The following NOS2 variants were observed in gnomAD, a reference collection of about 807,000 sequenced individuals.
NOS2 encodes nitric oxide synthase 2.
In NOS2, 96 loss-of-function variants were observed where a neutral mutation model predicts 136.0. The observed-to-expected ratio is 0.71, with a 90% CI of 0.60 to 0.84. NOS2 has a LOEUF of 0.84. Ranked by LOEUF, NOS2 falls within the 40% of genes least tolerant of loss-of-function variation. NOS2 has a pLI of 0.00. For missense variants in NOS2, 1,237 were observed against 1,496.9 expected, an observed-to-expected ratio of 0.83 and a Z score of 2.87; for synonymous variants, 539 against 587.5, an observed-to-expected ratio of 0.92 and a Z score of 1.20.
At chr17:27,790,862 G>C (rs1374229141) in intron 2 of NOS2, among the ~76,000 whole-genome samples, 1 of 152,162 alleles carries the variant, frequency 6.6e-6, no homozygotes, top group Non-Finnish European at 1.5e-5. Flanking sequence ...GCCTCCCCTA[G>C]GAAGAATCAT....
rs756138911 is a variant in NOS2 at position 27,772,288 on chromosome 17, C to G, written c.1704+20G>C. 1.2e-6 allele frequency: 2 copies of G among 1,613,714 alleles called. No homozygotes were observed. The highest frequency in any genetic ancestry group is 2.2e-5 in the South Asian group (2 of 91,026). On this transcript the variant is annotated intron_variant, in intron 14 of 26. Coordinates refer to ENST00000313735, the MANE Select transcript of NOS2 (RefSeq NM_000625.4). ...TGCACACAAGCAGAAAAAACAACAG[C>G]CATCCCACTGAGCCAGTACCTTGGG...
rs751681561 is a variant in NOS2 at position 27,781,151 on chromosome 17, C to T, written c.749G>A (p.Arg250Gln). The change falls in exon 8 of 27, where the codon CGG (arginine) becomes CAG (glutamine). Residue 250 changes from arginine (R) to glutamine (Q), a missense_variant. Around this residue, in one of 3 missense-constraint regions of NOS2, gnomAD observed 440 missense variants for 545.4 expected, o/e 0.81. Transcript: ENST00000313735. ...IRSAITVFPQ[R>Q]SDGKHDFRVW... ...CCGGAAGTCGTGCTTGCCATCACTC[C>T]GCTGGGGGAACACGGTGATGGCCGA... The T allele has an allele frequency of 7.5e-6, 12 of 1,610,598 alleles. No individual in the cohort carries two copies. The highest frequency in any genetic ancestry group is 1.1e-5 in the South Asian group (1 of 91,086).
intron 19 of NOS2, 127 bp downstream of exon 19, chr17:27,766,383 C>G (rs1290936408): frequency 3.5e-6 from 3 of 862,006 alleles, no homozygotes; most frequent in Non-Finnish European, 3.9e-6. Context: ...GTCCTACCGA[C>G]AGTGTGGCTG....
chr17:27,791,544 T>C (rs1183960331), intron 2 of NOS2, among the ~76,000 whole-genome samples: 1 of 152,036 alleles, frequency 6.6e-6, no homozygotes, highest in East Asian at 1.9e-4. Context: ...CTTGGTAATT[T>C]TCCATCCACA....
chr17:27,783,090 GT>G lies in NOS2; in HGVS notation c.483del (p.Glu161AspfsTer9). On this transcript the variant is annotated frameshift_variant, in exon 6 of 27. Transcript: ENST00000313735. LOFTEE classifies it high-confidence loss of function. Reference protein sequence around the residue: ...YGSFKEAKIEEHLARVEAVTK... With the variant: ...YGSFKEAKIEXHLARVEAVTK... ...GTTACCGCTTCCACCCTGGCCAGAT[GT>G]TCCTCTATTTTTGCCCTGGGGGACA... 6.2e-7 allele frequency: 1 copy of G among 1,614,164 alleles called. No individual in the cohort carries two copies. Among genetic ancestry groups the G allele is most frequent in the Non-Finnish European group, 8.5e-7 (1 of 1,180,028 alleles).
In NOS2 at chr17:27,757,089, G is replaced by C. The variant is rs1907948513; in HGVS notation, c.*157C>G. 1 of 593,942 alleles carries C rather than the reference G, an allele frequency of 1.7e-6. No individual in the cohort carries two copies. Among genetic ancestry groups the C allele is most frequent in the African/African-American group, 1.9e-5 (1 of 53,122 alleles). The allele number at this position is 593,942 out of a possible 1,614,324, so 36.8% of individuals were successfully genotyped here. A position where few individuals can be genotyped will look rare whatever the true frequency, so the allele number is the denominator to read the frequency against. ...AGGGTGCTACTTGTTAGGAGGTCAA[G>C]TAAAGGGCTTGATGGGGAGCAACGT... On this transcript the variant is annotated 3_prime_UTR_variant, in exon 27 of 27. Transcript: ENST00000313735.
At chr17:27,774,566 G>T (rs971561592) in intron 11 of NOS2, 115 bp from the exon 12 acceptor site, 8 of 670,474 alleles carry the variant, frequency 1.2e-5, no homozygotes, top group Non-Finnish European at 1.8e-5. Flanking sequence ...TCTGTAACAC[G>T]GGAGAGCAAC....
intron 2 of NOS2, among the ~76,000 whole-genome samples, chr17:27,791,769 GAA>G (rs869055216): frequency 4.5e-5 from 5 of 110,960 alleles, no homozygotes; most frequent in African/African-American, 1.9e-4. Flanking sequence ...TGGCCTGCCA[GAA>G]AAAAACAAAA....
intron 2 of NOS2, among the ~76,000 whole-genome samples, chr17:27,797,963 C>T (rs892193293): frequency 6.6e-6 from 1 of 152,084 alleles, no homozygotes; most frequent in Non-Finnish European, 1.5e-5. Context: ...ATATGAACTT[C>T]AAAGAGCCGC....
intron 4 of NOS2, 40 bp downstream of exon 4, chr17:27,788,768 GC>G: frequency 3.1e-6 from 5 of 1,589,448 alleles, no homozygotes; most frequent in Non-Finnish European, 4.3e-6. Flanking sequence ...AGCTTCACCA[GC>G]TTGGGACAAA....
intron 22 of NOS2, among the ~76,000 whole-genome samples, chr17:27,761,915 C>G (rs1176601597): frequency 2.0e-5 from 3 of 152,198 alleles, no homozygotes; most frequent in Non-Finnish European, 4.4e-5. Context: ...CCTCTCCTCT[C>G]CTGGTCTGGG....
chr17:27,771,063 C>A (rs1472159410), intron 14 of NOS2, 46 bp from the exon 15 acceptor site: 1 of 1,372,918 alleles, frequency 7.3e-7, no homozygotes, highest in Non-Finnish European at 1.0e-6. Flanking sequence ...CCCAGTAGGG[C>A]CCTCCCTACC....
At chr17:27,778,029 TG>T (rs1325176892) in intron 11 of NOS2, among the ~76,000 whole-genome samples, 1 of 148,444 alleles carries the variant, frequency 6.7e-6, no homozygotes, top group Non-Finnish European at 1.5e-5. Context: ...AGTGAGATGA[TG>T]TCTCAAAAAA....
chr17:27,791,777 C>CAA (rs1567643042), intron 2 of NOS2, among the ~76,000 whole-genome samples: 7 of 110,910 alleles, frequency 6.3e-5, no homozygotes, highest in Admixed American at 2.6e-4. Context: ...CAGAAAAAAA[C>CAA]AAAACAAAAC....
intron 12 of NOS2, 128 bp from the exon 13 acceptor site, chr17:27,773,371 A>C (rs1597549861): frequency 3.0e-6 from 2 of 672,834 alleles, no homozygotes; most frequent in Admixed American, 2.6e-5. Flanking sequence ...CCTGCGCCCC[A>C]CCCCTGTCAC....
At chr17:27,757,583 C>T (rs1279323114) in intron 26 of NOS2, among the ~76,000 whole-genome samples, 1 of 152,184 alleles carries the variant, frequency 6.6e-6, no homozygotes, top group Non-Finnish European at 1.5e-5. Flanking sequence ...TCCTGCCCAG[C>T]GTTCATCCCC....
Position 27,770,908 on chromosome 17 carries a change from C to G in NOS2, c.1809+5G>C. 6.2e-7 allele frequency: 1 copy of G among 1,611,660 alleles called. No individual in the cohort carries two copies. The highest frequency in any genetic ancestry group is 8.5e-7 in the Non-Finnish European group (1 of 1,177,962). ...CCTAGACCAGCCAGACCTCAAGCCA[C>G]CCACCTCTCCATTGCCAGGGCAGTC... On this transcript the variant is annotated splice_donor_5th_base_variant and intron_variant, in intron 15 of 26. Coordinates refer to ENST00000313735, the MANE Select transcript of NOS2 (RefSeq NM_000625.4).
Position 27,789,589 on chromosome 17 carries a change from A to C in NOS2, c.195+15T>G. ...AGGGAGGAAGGGGCTTCCCACACCCATGTGACTCACTGACCTTTCCCGTCT... is the reference window on the plus strand; with the variant it reads ...AGGGAGGAAGGGGCTTCCCACACCCCTGTGACTCACTGACCTTTCCCGTCT... On this transcript the variant is annotated intron_variant, in intron 3 of 26. Coordinates refer to ENST00000313735, the MANE Select transcript of NOS2 (RefSeq NM_000625.4). The C allele has an allele frequency of 6.2e-7, 1 of 1,602,704 alleles. No homozygotes were observed. The highest frequency in any genetic ancestry group is 8.5e-7 in the Non-Finnish European group (1 of 1,169,696).
chr17:27,781,120 C>T lies in NOS2; in HGVS notation c.780G>A (p.Trp260Ter). Residue 260 changes from tryptophan (W) to a stop codon, truncating the protein, a stop_gained, in exon 8 of 27, where the codon TGG becomes TGA. Coordinates refer to ENST00000313735, the MANE Select transcript of NOS2 (RefSeq NM_000625.4). LOFTEE classifies it high-confidence loss of function. ...CAGCATAGCGGATGAGCTGAGCATT[C>T]CACACCCGGAAGTCGTGCTTGCCAT... is the stretch of plus-strand genomic sequence containing the variant. ...RSDGKHDFRVWNAQLIRYAGY... is the reference protein window; with the variant it reads ...RSDGKHDFRV 6.2e-7 allele frequency: 1 copy of T among 1,613,172 alleles called. No homozygotes were observed. The highest frequency in any genetic ancestry group is 8.5e-7 in the Non-Finnish European group (1 of 1,180,022).
Sources: gnomAD v4.1 joint callset for allele counts (sites outside exome capture counted in the v4.1 genomes callset) on GRCh38, gnomAD v4.1.1 for gene constraint, gnomAD v4.1.1 regional missense constraint, MANE v1.5 for transcripts, NCBI Gene and HGNC (gene_info 2026-07-23, HGNC 2026-07-21) for gene names.